The following CYP3A5 variants were observed in gnomAD, a reference collection of about 807,000 sequenced individuals.
CYP3A5 encodes cytochrome P450 family 3 subfamily A member 5, also known as cytochrome P450 3A5.
In CYP3A5, 51 loss-of-function variants were observed where a neutral mutation model predicts 55.9. That is an observed-to-expected ratio of 0.91 (90% confidence interval 0.73 to 1.15). CYP3A5 has a LOEUF of 1.15. Ranked by LOEUF, CYP3A5 falls within the 50% of genes most tolerant of loss-of-function variation. The probability of loss-of-function intolerance (pLI) is 0.00; values close to 1 mark genes in which losing one functional copy is unlikely to be tolerated. For missense variants in CYP3A5, 533 were observed against 596.6 expected (o/e 0.89, Z 1.11); for synonymous variants, 196 against 213.9 (o/e 0.92, Z 0.73).
rs766563639 is a variant in CYP3A5, at chr7:99,666,657, T to C, written c.465A>G (p.Val155=). ...CTTCCCGCCTCAAGTTTCTCACCAA[T>C]ACATCTCCATACTGGGCAATGATGG... is the stretch of plus-strand genomic sequence containing the variant. ...MFPIIAQYGD[V]LVRNLRREAE... Residue 155 remains valine, a synonymous_variant, in exon 6 of 13, where the codon GTA becomes GTG. Coordinates refer to ENST00000222982, the MANE Select transcript of CYP3A5 (RefSeq NM_000777.5). 2 of 1,614,066 alleles carry C rather than the reference T, an allele frequency of 1.2e-6. No individual in the cohort carries two copies. The highest frequency in any genetic ancestry group is 2.2e-5 in the South Asian group (2 of 91,082).
rs752822288 is a variant in CYP3A5 at position 99,652,681 on chromosome 7, C to T, written c.1125G>A (p.Arg375=). The T allele has an allele frequency of 1.2e-6, 2 of 1,614,082 alleles. No homozygotes were observed. Among genetic ancestry groups the T allele is most frequent in the South Asian group, 1.1e-5 (1 of 91,070 alleles). Residue 375 remains arginine (R), a synonymous_variant, in exon 11 of 13, where the codon AGG becomes AGA. Transcript: ENST00000222982. ...TGATTTCAACATCTTTCTTGCAAGT[C>T]CTCTCAAGTCTAATAGCAACTGGGA... is the stretch of plus-strand genomic sequence containing the variant. ...RLFPVAIRLE[R]TCKKDVEING...
intron 10 of CYP3A5, among the ~76,000 whole-genome samples, chr7:99,655,522 G>A (rs372159634): frequency 3.3e-5 from 5 of 152,136 alleles, no homozygotes; most frequent in South Asian, 4.2e-4. Flanking sequence ...TGATGCCTCC[G>A]GCTTTGTTCT....
At position 99,652,352 on chromosome 7, in the gene CYP3A5, G is replaced by C. The variant is rs572686340; in HGVS notation, c.1253+201C>G. ...GGACATAATTGATTATCTTTGTCTT[G>C]TGCTGGGACTGTGGATGGATGTAGT... On this transcript the variant is annotated intron_variant, in intron 11 of 12. Coordinates refer to ENST00000222982, the MANE Select transcript of CYP3A5 (RefSeq NM_000777.5). The C allele has an allele frequency of 6.4e-4, 294 of 456,128 alleles. 1 individual carries two copies. The highest frequency in any genetic ancestry group is 5.5e-4 in the Non-Finnish European group (142 of 259,082). 28.3% of individuals were successfully genotyped at this position (456,128 alleles called of 1,614,324 possible). A position where few individuals can be genotyped will look rare whatever the true frequency, so the allele number is the denominator to read the frequency against.
intron 10 of CYP3A5, among the ~76,000 whole-genome samples, chr7:99,658,031 A>G (rs1460138381): frequency 1.4e-4 from 21 of 151,922 alleles, no homozygotes; most frequent in Admixed American, 1.4e-3. Context: ...TCTTGACTCT[A>G]TCCAGTTTGC....
chr7:99,669,242 C>T (rs1378489526), intron 4 of CYP3A5, among the ~76,000 whole-genome samples: 4 of 152,120 alleles, frequency 2.6e-5, no homozygotes, highest in African/African-American at 9.7e-5. Context: ...GAATTTGTGC[C>T]AGTTTTCAAA....
chr7:99,672,796 G>C, intron 3 of CYP3A5, 117 bp from the exon 4 acceptor site: 1 of 1,540,100 alleles, frequency 6.5e-7, no homozygotes, highest in African/African-American at 1.4e-5. Context: ...CTAGTTGTAC[G>C]ACACACAGCA....
At chr7:99,652,077 C>T (rs1376120817) in intron 11 of CYP3A5, among the ~76,000 whole-genome samples, 1 of 151,694 alleles carries the variant, frequency 6.6e-6, no homozygotes, top group Non-Finnish European at 1.5e-5. Context: ...CTAAAGGGCA[C>T]AGCATAGAAA....
At chr7:99,675,643 T>C (rs74871871) in intron 2 of CYP3A5, among the ~76,000 whole-genome samples, 2 of 14,370 alleles carry the variant, frequency 1.4e-4, no homozygotes, top group African/African-American at 4.3e-4. Flanking sequence ...TCTCCTCTCC[T>C]CCCCCCTCCC....
chr7:99,677,497 C>T (rs925520030), intron 1 of CYP3A5, among the ~76,000 whole-genome samples: 10 of 152,284 alleles, frequency 6.6e-5, no homozygotes, highest in South Asian at 2.1e-4. Context: ...TAAAACGTCC[C>T]GGAGAGTTGT....
At position 99,662,877 on chromosome 7, in the gene CYP3A5, T is replaced by G. The variant is rs1195171446; in HGVS notation, c.804A>C (p.Arg268=). 6.2e-7 allele frequency: 1 copy of G among 1,613,706 alleles called. No homozygotes were observed. Residue 268 remains arginine (R), a synonymous_variant, in exon 9 of 13, where the codon CGA becomes CGC. Transcript: ENST00000222982. The surrounding 1 kb of genome is among the most constrained non-coding windows in gnomAD (Gnocchi z 4.3). Reference sequence around the variant, plus strand: ...CAATCATCAGCTGAAGGAAATCTAGTCGGTGCTAGAAGCAAAAGGAGAGAT... The same window carrying G: ...CAATCATCAGCTGAAGGAAATCTAGGCGGTGCTAGAAGCAAAAGGAGAGAT... ...KSRLNDKQKH[R]LDFLQLMIDS...
intron 2 of CYP3A5, among the ~76,000 whole-genome samples, chr7:99,675,440 T>C (rs1193553149): frequency 1.3e-5 from 2 of 151,890 alleles, no homozygotes; most frequent in African/African-American, 4.8e-5. Context: ...GAGGCTTCAG[T>C]TGTGAGAGTT....
intron 10 of CYP3A5, chr7:99,660,006 C>A (rs527885987): frequency 3.0e-5 from 5 of 165,124 alleles, no homozygotes; most frequent in Non-Finnish European, 6.3e-5. Flanking sequence ...TGACCCCTTG[C>A]ACTTCCCAGG....
At chr7:99,675,757 G>C (rs528008814) in intron 2 of CYP3A5, among the ~76,000 whole-genome samples, 8 of 137,498 alleles carry the variant, frequency 5.8e-5, no homozygotes, top group African/African-American at 1.7e-4. Context: ...GCAGTGGTGC[G>C]ATCACAGCTC....
intron 10 of CYP3A5, among the ~76,000 whole-genome samples, chr7:99,655,795 A>G (rs1809662748): frequency 6.6e-6 from 1 of 152,152 alleles, no homozygotes; most frequent in Admixed American, 6.5e-5. Context: ...GGTCCTTCAC[A>G]TCCCTTGTAA....
At chr7:99,666,484 G>A (rs1187345123) in intron 6 of CYP3A5, 117 bp downstream of exon 6, 19 of 1,134,188 alleles carry the variant, frequency 1.7e-5, no homozygotes, top group Middle Eastern at 2.5e-4. Flanking sequence ...GAGTTGCAGC[G>A]CTGCCCTGCT....
rs140521496 is a variant in CYP3A5 at position 99,652,560 on chromosome 7, G to A, written c.1246C>T (p.Pro416Ser). Reference sequence around the variant, plus strand: ...TTCCCTGGAGACTTGTACCTTTCAGGGCGGAACTCCTCAGGCTCTGTCCAG... The same window carrying A: ...TTCCCTGGAGACTTGTACCTTTCAGAGCGGAACTCCTCAGGCTCTGTCCAG... The part of the protein sequence containing the change: ...KYWTEPEEFR[P>S]ERFSKKKDSI... Residue 416 changes from proline to serine, a missense_variant, in exon 11 of 13, where the codon CCT becomes TCT. Physicochemically the swap from Pro to Ser is moderately conservative, Grantham distance 74. Transcript: ENST00000222982. 3.9e-5 allele frequency: 63 copies of A among 1,606,482 alleles called. No individual in the cohort carries two copies. Among genetic ancestry groups the A allele is most frequent in the Middle Eastern group, 3.3e-4 (2 of 6,040 alleles).
At chr7:99,664,285 C>G (rs1015085221) in intron 7 of CYP3A5, among the ~76,000 whole-genome samples, 190 bp from the exon 8 acceptor site, 1 of 152,200 alleles carries the variant, frequency 6.6e-6, no homozygotes, top group African/African-American at 2.4e-5. Flanking sequence ...ACATAGGAAA[C>G]ACCACTACAG....
chr7:99,670,208 A>G (rs920897562), intron 4 of CYP3A5, among the ~76,000 whole-genome samples: 19 of 152,340 alleles, frequency 1.2e-4, no homozygotes, highest in African/African-American at 4.6e-4. Context: ...AATTGGTGCC[A>G]GAACTTGACA....
chr7:99,657,628 T>C (rs979834784), intron 10 of CYP3A5, among the ~76,000 whole-genome samples: 5 of 152,232 alleles, frequency 3.3e-5, no homozygotes, highest in Non-Finnish European at 5.9e-5. Context: ...GTTCAATTCC[T>C]GGATATCCTT....
Sources: gnomAD v4.1 joint callset for allele counts (sites outside exome capture counted in the v4.1 genomes callset) on GRCh38, gnomAD v4.1.1 for gene constraint, Gnocchi (gnomAD v3.1) non-coding constraint, MANE v1.5 for transcripts, NCBI Gene and HGNC (gene_info 2026-07-23, HGNC 2026-07-21) for gene names.